Variants in FHIP1A observed in about 807,000 individuals in gnomAD.
FHIP1A encodes FHF complex subunit HOOK interacting protein 1A, also known as FHF complex subunit HOOK-interacting protein 1A.
Under a neutral mutation model 88.6 loss-of-function variants are expected in FHIP1A, and 61 were observed. The observed-to-expected ratio is 0.69, with a 90% CI of 0.56 to 0.85. The LOEUF (loss-of-function observed/expected upper bound fraction) is 0.85. Among genes scored for constraint, FHIP1A ranks in the 40% least tolerant of loss-of-function variants. FHIP1A has a pLI of 0.00. For missense variants in FHIP1A, 1,154 were observed against 1,273.5 expected (o/e 0.91, Z 1.43); for synonymous variants, 478 against 496.0 (o/e 0.96, Z 0.48).
At chr4:151,450,704 A>G (rs1728761380) in intron 1 of FHIP1A, among the ~76,000 whole-genome samples, 1 of 152,040 alleles carries the variant, frequency 6.6e-6, no homozygotes, top group Non-Finnish European at 1.5e-5. Context: ...ACCTTCAACA[A>G]CTTTTAATAT....
intron 1 of FHIP1A, among the ~76,000 whole-genome samples, chr4:151,445,872 ATT>A (rs1728582063): frequency 7.0e-6 from 1 of 143,596 alleles, no homozygotes; most frequent in Middle Eastern, 3.6e-3. Context: ...ATATATATAT[ATT>A]TCATATGATA....
Position 151,586,641 on chromosome 4 carries a change from G to T in FHIP1A, c.733G>T (p.Val245Leu). Residue 245 changes from valine to leucine, a missense_variant and splice_region_variant, in exon 6 of 14, where the codon GTA becomes TTA. Coordinates refer to ENST00000435205, the MANE Select transcript of FHIP1A (RefSeq NM_001109977.3). ...ATTTTGTTTTTATTTCTGAACACAGGTACTTGCAACTGGGCTCAGTGGTCT... is the reference window on the plus strand; with the variant it reads ...ATTTTGTTTTTATTTCTGAACACAGTTACTTGCAACTGGGCTCAGTGGTCT... ...HIVENTYFCP[V>L]LATGLSGLYS... is the part of the protein sequence containing the mutation. 1 of 1,538,440 alleles carries T rather than the reference G, an allele frequency of 6.5e-7. No individual in the cohort carries two copies. Among genetic ancestry groups the T allele is most frequent in the Non-Finnish European group, 8.8e-7 (1 of 1,136,922 alleles).
intron 3 of FHIP1A, among the ~76,000 whole-genome samples, chr4:151,512,818 A>C (rs565678781): frequency 1.3e-5 from 2 of 152,256 alleles, no homozygotes; most frequent in African/African-American, 4.8e-5. Context: ...GACCAAGTCT[A>C]CCGCTGATTG....
At chr4:151,601,596 A>G (rs1454323285) in intron 7 of FHIP1A, among the ~76,000 whole-genome samples, 1 of 149,764 alleles carries the variant, frequency 6.7e-6, no homozygotes, top group African/African-American at 2.5e-5. Context: ...TGCTAACAAC[A>G]TACTAGATAT....
intron 6 of FHIP1A, 110 bp downstream of exon 6, chr4:151,586,909 T>C: frequency 1.2e-6 from 1 of 844,624 alleles, no homozygotes; most frequent in Non-Finnish European, 1.7e-6. Flanking sequence ...TAAATGTTTA[T>C]GGAATATTGG....
At chr4:151,535,672 A>G (rs1004099925) in intron 3 of FHIP1A, among the ~76,000 whole-genome samples, 11 of 152,258 alleles carry the variant, frequency 7.2e-5, no homozygotes, top group African/African-American at 2.4e-4. Context: ...GTTTAATGAA[A>G]CATTGGGATC....
chr4:151,409,647 C>A (rs1051073994), intron 1 of FHIP1A, among the ~76,000 whole-genome samples, 182 bp downstream of exon 1: 2 of 151,668 alleles, frequency 1.3e-5, no homozygotes, highest in African/African-American at 4.8e-5. Context: ...CAAACGAGGT[C>A]GCTGCGTCGG....
At chr4:151,631,346 A>ATTGGTC (rs1361607624) in intron 8 of FHIP1A, among the ~76,000 whole-genome samples, 1 of 152,154 alleles carries the variant, frequency 6.6e-6, no homozygotes, top group Non-Finnish European at 1.5e-5. Context: ...ACCATGAGCA[A>ATTGGTC]CTATATGCCA....
At chr4:151,505,253 A>T (rs980253134) in intron 3 of FHIP1A, among the ~76,000 whole-genome samples, 6 of 152,202 alleles carry the variant, frequency 3.9e-5, no homozygotes, top group Admixed American at 2.0e-4. Flanking sequence ...GTCTCTGATT[A>T]GCTAGGCCTG....
chr4:151,412,584 T>TTCCTTCCTTCCTTCCTTCC (rs1561483997), intron 1 of FHIP1A, among the ~76,000 whole-genome samples: 1 of 115,162 alleles, frequency 8.7e-6, no homozygotes, highest in African/African-American at 3.7e-5. Context: ...CTTTCCTTTC[T>TTCCTTCCTTCCTTCCTTCC]TTCCTTCCTT....
At chr4:151,660,161 CA>C (rs1737398416) in intron 13 of FHIP1A, among the ~76,000 whole-genome samples, 1 of 152,160 alleles carries the variant, frequency 6.6e-6, no homozygotes, top group Admixed American at 6.5e-5. Context: ...TGCTTGGTGA[CA>C]CACTGAAAGG....
At chr4:151,636,871 A>C (rs1736376262) in intron 8 of FHIP1A, among the ~76,000 whole-genome samples, 1 of 152,128 alleles carries the variant, frequency 6.6e-6, no homozygotes, top group Non-Finnish European at 1.5e-5. Context: ...GAATAGTCAA[A>C]ACAAACTTGA....
intron 3 of FHIP1A, among the ~76,000 whole-genome samples, chr4:151,495,253 A>G (rs1730417947): frequency 6.6e-6 from 1 of 152,196 alleles, no homozygotes; most frequent in Non-Finnish European, 1.5e-5. Context: ...CTGTAATCCC[A>G]GAACTTTGGG....
chr4:151,465,213 A>C (rs1282754355), intron 2 of FHIP1A, among the ~76,000 whole-genome samples: 1 of 152,108 alleles, frequency 6.6e-6, no homozygotes, highest in Non-Finnish European at 1.5e-5. Flanking sequence ...AAAAACAAAA[A>C]CAAAAACTAC....
intron 3 of FHIP1A, among the ~76,000 whole-genome samples, chr4:151,543,294 A>T (rs1046914964): frequency 2.0e-5 from 3 of 152,160 alleles, no homozygotes; most frequent in Non-Finnish European, 4.4e-5. Context: ...TCCTTGTATG[A>T]TAAACATGCT....
intron 3 of FHIP1A, among the ~76,000 whole-genome samples, chr4:151,495,673 G>T (rs1730437098): frequency 6.8e-6 from 1 of 148,050 alleles, no homozygotes; most frequent in African/African-American, 2.5e-5. Context: ...ACCCAGGCTG[G>T]AGTGCAGTGG....
At chr4:151,478,584 G>A (rs914117173) in intron 2 of FHIP1A, among the ~76,000 whole-genome samples, 3 of 152,088 alleles carry the variant, frequency 2.0e-5, no homozygotes, top group Non-Finnish European at 4.4e-5. Context: ...GTTTCTTGGA[G>A]GTTATCAATA....
At chr4:151,473,982 A>T (rs1729613985) in intron 2 of FHIP1A, among the ~76,000 whole-genome samples, 1 of 152,216 alleles carries the variant, frequency 6.6e-6, no homozygotes, top group Non-Finnish European at 1.5e-5. Flanking sequence ...ATGCAATTTC[A>T]CAACTCATAA....
intron 3 of FHIP1A, among the ~76,000 whole-genome samples, chr4:151,547,649 C>T (rs895708721): frequency 2.0e-5 from 3 of 152,192 alleles, no homozygotes; most frequent in Admixed American, 6.5e-5. Flanking sequence ...CACAGTGGCT[C>T]ATGCCTGTAA....
Sources: allele counts gnomAD v4.1 joint callset (sites outside exome capture counted in the v4.1 genomes callset), GRCh38; gene constraint gnomAD v4.1.1; transcripts MANE v1.5; gene names NCBI Gene and HGNC (gene_info 2026-07-23, HGNC 2026-07-21).